The following IGSF21 variants were observed in gnomAD, a reference collection of about 807,000 sequenced individuals.
IGSF21 encodes immunoglobulin superfamily member 21.
A neutral mutation model predicts 46.8 loss-of-function variants in IGSF21; 28 were observed. The observed-to-expected ratio is 0.60, with a 90% confidence interval of 0.44 to 0.82. The LOEUF is 0.82. IGSF21 is among the 40% of genes least tolerant of loss of function. IGSF21 has a pLI of 0.00. For synonymous variants in IGSF21, 284 were observed against 273.6 expected, an observed-to-expected ratio of 1.04 and a Z score of -0.38; for missense variants, 624 against 665.5, an observed-to-expected ratio of 0.94 and a Z score of 0.69.
At chr1:18,278,712 C>A in intron 2 of IGSF21, 1 of 403,482 alleles carries the variant, frequency 2.5e-6, no homozygotes, top group South Asian at 1.9e-5. Flanking sequence ...TACCACCATG[C>A]CTGGCTAATT....
At chr1:18,262,067 T>C (rs1382402785) in intron 2 of IGSF21, among the ~76,000 whole-genome samples, 1 of 152,180 alleles carries the variant, frequency 6.6e-6, no homozygotes, top group Non-Finnish European at 1.5e-5. Context: ...CCAGAGAGTC[T>C]GATTCAGCAG....
intron 1 of IGSF21, among the ~76,000 whole-genome samples, chr1:18,133,852 T>C (rs1570254258): frequency 6.6e-6 from 1 of 152,262 alleles, no homozygotes; most frequent in Admixed American, 6.5e-5. Context: ...GAATATTTAC[T>C]TGTGGATGAA....
At chr1:18,191,522 G>C (rs1489127869) in intron 1 of IGSF21, among the ~76,000 whole-genome samples, 1 of 151,994 alleles carries the variant, frequency 6.6e-6, no homozygotes, top group Non-Finnish European at 1.5e-5. Flanking sequence ...AATAGAGAGG[G>C]CATTCCAGGC....
intron 1 of IGSF21, among the ~76,000 whole-genome samples, chr1:18,196,365 C>A (rs541715893): frequency 6.6e-6 from 1 of 152,100 alleles, no homozygotes; most frequent in Non-Finnish European, 1.5e-5. Flanking sequence ...CTCCATCTGA[C>A]CTAATGGCAG....
chr1:18,227,187 C>T (rs907161105), intron 1 of IGSF21, among the ~76,000 whole-genome samples: 9 of 152,140 alleles, frequency 5.9e-5, no homozygotes, highest in Admixed American at 5.9e-4. Flanking sequence ...TTGGACCCGA[C>T]CCTCCCTTTA....
At chr1:18,108,244 G>A (rs1265575908) in intron 1 of IGSF21, 46 bp downstream of exon 1, 9 of 1,318,248 alleles carry the variant, frequency 6.8e-6, no homozygotes, top group Non-Finnish European at 8.7e-6. Flanking sequence ...GAACGTGCGC[G>A]GGGACGGGGT....
chr1:18,369,378 G>A (rs1303487677), intron 6 of IGSF21, among the ~76,000 whole-genome samples: 1 of 152,208 alleles, frequency 6.6e-6, no homozygotes, highest in East Asian at 1.9e-4. Flanking sequence ...AACCTGTGAG[G>A]CCGCTGAGAG....
intron 8 of IGSF21, 60 bp from the exon 9 acceptor site, chr1:18,377,333 C>T (rs1001594737): frequency 4.8e-6 from 7 of 1,468,986 alleles, no homozygotes; most frequent in East Asian, 2.3e-5. Context: ...AAGGGCCATT[C>T]CTTCCCTGAG....
At chr1:18,193,948 G>A (rs147163329) in intron 1 of IGSF21, among the ~76,000 whole-genome samples, 23 of 152,312 alleles carry the variant, frequency 1.5e-4, no homozygotes, top group African/African-American at 5.5e-4. Context: ...CACACTTGAG[G>A]ACATTCAGGA....
rs538409188 is a variant in IGSF21, at chr1:18,377,887, G to C, written c.1334-369G>C. Reference sequence around the variant, plus strand: ...TGTCTCAGTGCAGGCCCTTTATACTGTCCTCCCTGGGCATCCCCCAACCTG... The same window carrying C: ...TGTCTCAGTGCAGGCCCTTTATACTCTCCTCCCTGGGCATCCCCCAACCTG... On this transcript the variant is annotated intron_variant, in intron 9 of 9. Transcript: ENST00000251296. Among the ~76,000 whole-genome samples, 13 of 152,238 alleles carry C rather than the reference G, an allele frequency of 8.5e-5. No homozygotes were observed. In the South Asian group the frequency reaches 2.7e-3, roughly 32 times the overall value.
At chr1:18,199,009 C>A (rs2087038521) in intron 1 of IGSF21, among the ~76,000 whole-genome samples, 1 of 152,120 alleles carries the variant, frequency 6.6e-6, no homozygotes, top group Admixed American at 6.5e-5. Context: ...TTCTCCCCTG[C>A]CCATCTCACT....
At chr1:18,309,778 C>T (rs990126437) in intron 3 of IGSF21, among the ~76,000 whole-genome samples, 14 of 152,110 alleles carry the variant, frequency 9.2e-5, no homozygotes, top group African/African-American at 3.4e-4. Flanking sequence ...TACCAGGGTG[C>T]CCTGGGAGGG....
chr1:18,315,379 T>C (rs571505652), intron 3 of IGSF21, among the ~76,000 whole-genome samples: 1 of 152,228 alleles, frequency 6.6e-6, no homozygotes, highest in South Asian at 2.1e-4. Context: ...ATTAAACACA[T>C]ATTTAGGTGG....
chr1:18,272,371 G>A (rs1569687459), intron 2 of IGSF21, among the ~76,000 whole-genome samples: 1 of 152,170 alleles, frequency 6.6e-6, no homozygotes, highest in African/African-American at 2.4e-5. Flanking sequence ...GCCACTTCCT[G>A]GCTACATGAT....
chr1:18,235,100 A>C (rs1446168121), intron 2 of IGSF21, among the ~76,000 whole-genome samples: 1 of 152,210 alleles, frequency 6.6e-6, no homozygotes, highest in Non-Finnish European at 1.5e-5. Flanking sequence ...CTGTTGTCTG[A>C]GACTCATTCT....
chr1:18,149,696 CG>C (rs1258786135), intron 1 of IGSF21, among the ~76,000 whole-genome samples: 1 of 151,938 alleles, frequency 6.6e-6, no homozygotes, highest in Non-Finnish European at 1.5e-5. Context: ...AGGCTTCCTT[CG>C]GGGCAGGATC....
intron 1 of IGSF21, among the ~76,000 whole-genome samples, chr1:18,117,983 AC>A (rs1485152041): frequency 6.6e-6 from 1 of 152,160 alleles, no homozygotes; most frequent in Non-Finnish European, 1.5e-5. Flanking sequence ...AGGTGGACCC[AC>A]CACCTGAAGA....
intron 1 of IGSF21, among the ~76,000 whole-genome samples, chr1:18,177,497 C>CA (rs979740710): frequency 3.6e-5 from 5 of 140,080 alleles, no homozygotes; most frequent in Non-Finnish European, 6.1e-5. Context: ...AAAACATAAA[C>CA]ACAGGCCATT....
intron 1 of IGSF21, among the ~76,000 whole-genome samples, chr1:18,176,585 G>A (rs138367495): frequency 2.6e-4 from 39 of 152,278 alleles, no homozygotes; most frequent in African/African-American, 9.2e-4. Context: ...TTTCCAAGGA[G>A]TAAGCCTTTT....
Sources: allele counts gnomAD v4.1 joint callset (sites outside exome capture counted in the v4.1 genomes callset), GRCh38; gene constraint gnomAD v4.1.1; transcripts MANE v1.5; gene names NCBI Gene and HGNC (gene_info 2026-07-23, HGNC 2026-07-21).